The following DNAAF11 variants were observed in gnomAD, a reference collection of about 807,000 sequenced individuals.
DNAAF11 encodes the protein leucine rich repeat containing 6.
A neutral mutation model predicts 60.8 loss-of-function variants in DNAAF11; 45 were observed. The ratio of observed to expected loss-of-function variants is 0.74; its 90% CI spans 0.58 to 0.95. The LOEUF is 0.95. Among genes scored for constraint, DNAAF11 ranks in the 40% least tolerant of loss-of-function variants. The pLI, the probability that DNAAF11 is intolerant of heterozygous loss-of-function variation, is 0.00. For synonymous variants in DNAAF11, 191 were observed against 183.5 expected, an observed-to-expected ratio of 1.04 and a Z score of -0.33; for missense variants, 546 against 546.2, an observed-to-expected ratio of 1.00 and a Z score of 0.00.
At chr8:132,620,984 AT>A (rs1371237343) in intron 7 of DNAAF11, among the ~76,000 whole-genome samples, 5 of 152,190 alleles carry the variant, frequency 3.3e-5, no homozygotes, top group Non-Finnish European at 5.9e-5. Context: ...AAGACTGATA[AT>A]AGCAGGAGAG....
At chr8:132,676,999 TAC>T (rs922171024), upstream of DNAAF11, among the ~76,000 whole-genome samples, 3 of 152,202 alleles carry the variant, frequency 2.0e-5, no homozygotes, top group African/African-American at 7.2e-5. Flanking sequence ...ATAGATTAAA[TAC>T]ACAGATTTAT....
intron 8 of DNAAF11, among the ~76,000 whole-genome samples, chr8:132,614,376 A>G (rs797005012): frequency 3.9e-5 from 6 of 152,346 alleles, no homozygotes; most frequent in African/African-American, 1.4e-4. Context: ...ACAGTGAACC[A>G]GGGCCTAAAA....
At chr8:132,573,346 T>G (rs1273874884) in intron 11 of DNAAF11, among the ~76,000 whole-genome samples, 2 of 152,200 alleles carry the variant, frequency 1.3e-5, no homozygotes, top group South Asian at 2.1e-4. Flanking sequence ...AGGTGTTGTA[T>G]AGGCACCAGG....
At chr8:132,662,065 C>T (rs1824195671) in intron 1 of DNAAF11, among the ~76,000 whole-genome samples, 1 of 152,182 alleles carries the variant, frequency 6.6e-6, no homozygotes, top group African/African-American at 2.4e-5. Flanking sequence ...CATCTTCTAC[C>T]ATTCAGAAAA....
At chr8:132,583,191 C>A (rs533654682) in intron 11 of DNAAF11, among the ~76,000 whole-genome samples, 4 of 152,178 alleles carry the variant, frequency 2.6e-5, no homozygotes, top group African/African-American at 9.6e-5. Flanking sequence ...CCTAGTACCC[C>A]TGAGAGTTGA....
At chr8:132,627,629 A>C (rs926205082) in intron 5 of DNAAF11, among the ~76,000 whole-genome samples, 8 of 152,050 alleles carry the variant, frequency 5.3e-5, no homozygotes, top group African/African-American at 1.9e-4. Flanking sequence ...CCTCCAACCC[A>C]TTCTCTCTCC....
At chr8:132,621,035 A>G (rs1017379329) in intron 7 of DNAAF11, among the ~76,000 whole-genome samples, 1 of 152,148 alleles carries the variant, frequency 6.6e-6, no homozygotes, top group Non-Finnish European at 1.5e-5. Context: ...ATCTTCAATG[A>G]ACTGACAGGG....
chr8:132,572,076 C>A lies in DNAAF11; in HGVS notation c.*230G>T. The A allele has an allele frequency of 2.6e-6, 1 of 388,128 alleles. No individual in the cohort carries two copies. The highest frequency in any genetic ancestry group is 4.6e-6 in the Non-Finnish European group (1 of 218,734). 24.0% of individuals were successfully genotyped at this position (388,128 alleles called of 1,614,324 possible). The stretch of plus-strand genomic sequence containing the variant: ...GTTCTATGATCTTACTAAACATTTT[C>A]AATACCAACCCTTTATTATAGGTAA... On this transcript the variant is annotated 3_prime_UTR_variant, in exon 12 of 12. Transcript: ENST00000620350.
rs111688234 is a variant in DNAAF11, at chr8:132,575,526, G to A, written c.1227-3046C>T. 4.8e-3 allele frequency among the ~76,000 whole-genome samples: 738 copies of A among 152,230 alleles called. 11 individuals are homozygous for A. The highest frequency in any genetic ancestry group is 0.017 in the African/African-American group (710 of 41,526). On this transcript the variant is annotated intron_variant, in intron 11 of 11. Transcript: ENST00000620350. The stretch of plus-strand genomic sequence containing the variant: ...CCACAATCAAATGAGGAGGACACAC[G>A]TATACTGGGCTACTTTGCACCAGCG...
the DNAAF11 span, among the ~76,000 whole-genome samples, chr8:132,698,932 G>C: frequency 1.4e-5 from 1 of 71,766 alleles, no homozygotes; most frequent in Admixed American, 1.1e-4. Flanking sequence ...ATATATATAT[G>C]TATACATATA....
chr8:132,579,637 G>A (rs1404853277), intron 11 of DNAAF11, among the ~76,000 whole-genome samples: 10 of 152,160 alleles, frequency 6.6e-5, no homozygotes, highest in Admixed American at 6.6e-4. Context: ...AACTAAGAAA[G>A]TGGGGGGAAA....
At chr8:132,626,715 G>A (rs909039210) in intron 5 of DNAAF11, among the ~76,000 whole-genome samples, 17 of 151,962 alleles carry the variant, frequency 1.1e-4, no homozygotes, top group African/African-American at 3.9e-4. Flanking sequence ...CCTCTCCCTA[G>A]AATAGACACT....
At chr8:132,632,191 T>C (rs1250908601) in intron 5 of DNAAF11, among the ~76,000 whole-genome samples, 1 of 152,156 alleles carries the variant, frequency 6.6e-6, no homozygotes, top group African/African-American at 2.4e-5. Flanking sequence ...GTTATCTAAA[T>C]ACTTAATACT....
At chr8:132,626,610 T>A (rs1379587464) in intron 5 of DNAAF11, among the ~76,000 whole-genome samples, 1 of 152,186 alleles carries the variant, frequency 6.6e-6, no homozygotes, top group African/African-American at 2.4e-5. Context: ...CTGGCCTACA[T>A]AAACCACGAT....
At chr8:132,613,301 G>A (rs949988431) in intron 8 of DNAAF11, among the ~76,000 whole-genome samples, 9 of 152,138 alleles carry the variant, frequency 5.9e-5, no homozygotes, top group Admixed American at 3.9e-4. Context: ...TCTGGTGAAC[G>A]GATAAACAAA....
intron 9 of DNAAF11, among the ~76,000 whole-genome samples, chr8:132,610,528 A>G (rs1420514616): frequency 6.6e-6 from 1 of 152,150 alleles, no homozygotes; most frequent in Non-Finnish European, 1.5e-5. Context: ...CTGTCAAAAA[A>G]CCATCAACAT....
intron 10 of DNAAF11, among the ~76,000 whole-genome samples, chr8:132,594,504 T>A (rs1003331971): frequency 2.0e-4 from 30 of 152,330 alleles, no homozygotes; most frequent in South Asian, 4.1e-4. Flanking sequence ...TGATATGGTT[T>A]GACTCTGTGT....
the DNAAF11 span, among the ~76,000 whole-genome samples, chr8:132,686,490 A>G: frequency 0.018 from 2,746 of 152,278 alleles, 72 homozygotes; most frequent in African/African-American, 0.058. Context: ...CAGTATTTCC[A>G]CAATACTGGA....
the DNAAF11 span, among the ~76,000 whole-genome samples, chr8:132,697,859 G>T: frequency 6.6e-6 from 1 of 152,134 alleles, no homozygotes; most frequent in Non-Finnish European, 1.5e-5. Flanking sequence ...TAGGGGAGAA[G>T]AGGGGATAAT....
Sources: gnomAD v4.1 joint callset for allele counts (sites outside exome capture counted in the v4.1 genomes callset) on GRCh38, gnomAD v4.1.1 for gene constraint, MANE v1.5 for transcripts, NCBI Gene and HGNC (gene_info 2026-07-23, HGNC 2026-07-21) for gene names.